The following FARP1 variants were observed in gnomAD, a reference collection of about 807,000 sequenced individuals.
FARP1 encodes the protein FERM, ARHGEF and pleckstrin domain-containing protein 1.
Under a neutral mutation model 128.8 loss-of-function variants are expected in FARP1, and 52 were observed. The observed-to-expected ratio is 0.40, with a 90% CI of 0.32 to 0.51. FARP1 has a LOEUF of 0.51. FARP1 is among the 20% of genes least tolerant of loss of function. The pLI, the probability that FARP1 is intolerant of heterozygous loss-of-function variation, is 0.45. For synonymous variants in FARP1, 580 were observed against 551.8 expected, an observed-to-expected ratio of 1.05 and a Z score of -0.72; for missense variants, 1,333 against 1,367.9, an observed-to-expected ratio of 0.97 and a Z score of 0.40.
At chr13:98,298,083 G>A (rs564345656) in intron 2 of FARP1, among the ~76,000 whole-genome samples, 7 of 152,312 alleles carry the variant, frequency 4.6e-5, no homozygotes, top group Admixed American at 2.6e-4. Context: ...GTCAGGCTGT[G>A]TAGGACTGTG....
chr13:98,266,287 G>C (rs1448324902), intron 2 of FARP1, among the ~76,000 whole-genome samples: 8 of 152,150 alleles, frequency 5.3e-5, no homozygotes, highest in Non-Finnish European at 1.5e-5. Context: ...GCGAGACAGA[G>C]GGACACACAT....
intron 16 of FARP1, among the ~76,000 whole-genome samples, chr13:98,422,587 A>G (rs1891633453): frequency 6.6e-6 from 1 of 152,112 alleles, no homozygotes; most frequent in Non-Finnish European, 1.5e-5. Flanking sequence ...CTGTGATGTA[A>G]TTTGCACTAT....
At chr13:98,248,178 A>T (rs1353805332) in intron 2 of FARP1, among the ~76,000 whole-genome samples, 1 of 152,192 alleles carries the variant, frequency 6.6e-6, no homozygotes, top group African/African-American at 2.4e-5. Context: ...ACCTCTGTCT[A>T]ATATCTGGCA....
intron 2 of FARP1, among the ~76,000 whole-genome samples, chr13:98,318,726 C>A (rs907824347): frequency 7.2e-5 from 11 of 152,208 alleles, no homozygotes; most frequent in Non-Finnish European, 2.9e-5. Flanking sequence ...AGTCTGCCTT[C>A]TCTTTGATGT....
At chr13:98,361,999 C>T (rs753859475) in intron 3 of FARP1, among the ~76,000 whole-genome samples, 2 of 152,174 alleles carry the variant, frequency 1.3e-5, no homozygotes, top group Non-Finnish European at 2.9e-5. Context: ...CAAAGTGGCT[C>T]ATGCCTATAA....
chr13:98,143,987 G>T (rs1875299168), intron 1 of FARP1, among the ~76,000 whole-genome samples: 3 of 152,138 alleles, frequency 2.0e-5, no homozygotes, highest in Non-Finnish European at 4.4e-5. Context: ...GGTTCCCGGC[G>T]GGTGACAAAG....
At chr13:98,196,801 T>G (rs1381891869) in intron 1 of FARP1, among the ~76,000 whole-genome samples, 1 of 152,260 alleles carries the variant, frequency 6.6e-6, no homozygotes, top group African/African-American at 2.4e-5. Flanking sequence ...CATTGTTTAA[T>G]TAAATGCCTT....
intron 2 of FARP1, among the ~76,000 whole-genome samples, chr13:98,310,855 C>G (rs118027216): frequency 6.6e-6 from 1 of 152,110 alleles, no homozygotes; most frequent in Non-Finnish European, 1.5e-5. Context: ...TCCTCCTGCC[C>G]CCTTGCAGAG....
chr13:98,232,284 AAGG>A, intron 2 of FARP1, among the ~76,000 whole-genome samples: 1 of 151,188 alleles, frequency 6.6e-6, no homozygotes, highest in African/African-American at 2.4e-5. Flanking sequence ...TTTTGTTTTG[AAGG>A]AGAACTGCTG....
At chr13:98,307,899 A>C (rs1228408840) in intron 2 of FARP1, among the ~76,000 whole-genome samples, 4 of 152,176 alleles carry the variant, frequency 2.6e-5, no homozygotes, top group Non-Finnish European at 4.4e-5. Flanking sequence ...TAAAGTTCTT[A>C]GTACTTAGCA....
chr13:98,161,215 ATTTT>A (rs1237544014), intron 1 of FARP1, among the ~76,000 whole-genome samples: 1 of 136,918 alleles, frequency 7.3e-6, no homozygotes, highest in South Asian at 2.3e-4. Context: ...TGCTTCAGTA[ATTTT>A]TTTTTTTTTT....
At chr13:98,268,467 C>T (rs1021128653) in intron 2 of FARP1, among the ~76,000 whole-genome samples, 2 of 152,110 alleles carry the variant, frequency 1.3e-5, no homozygotes, top group African/African-American at 4.8e-5. Flanking sequence ...TTCTGTTTCT[C>T]CCTTCTCTTT....
intron 1 of FARP1, among the ~76,000 whole-genome samples, chr13:98,179,995 T>A (rs1035675973): frequency 6.6e-6 from 1 of 152,014 alleles, no homozygotes; most frequent in Admixed American, 6.6e-5. Context: ...AGAAGAGATA[T>A]CTCCTGCTTC....
chr13:98,406,793 C>G (rs1438235842), intron 13 of FARP1: 2 of 152,360 alleles, frequency 1.3e-5, no homozygotes, highest in Admixed American at 6.5e-5. Context: ...GAGGCAGGCT[C>G]TCTTATGGAA....
At chr13:98,248,910 C>T (rs1883197191) in intron 2 of FARP1, among the ~76,000 whole-genome samples, 1 of 151,918 alleles carries the variant, frequency 6.6e-6, no homozygotes, top group Admixed American at 6.6e-5. Context: ...TGAGAATGTG[C>T]CTTACAGAGA....
chr13:98,436,519 G>A (rs1322086365), intron 19 of FARP1, among the ~76,000 whole-genome samples: 1 of 152,210 alleles, frequency 6.6e-6, no homozygotes, highest in Admixed American at 6.5e-5. Context: ...ATCTGCTGCT[G>A]CAGGATCCAG....
chr13:98,374,921 C>G (rs1183717096), intron 5 of FARP1, among the ~76,000 whole-genome samples: 1 of 152,124 alleles, frequency 6.6e-6, no homozygotes, highest in Non-Finnish European at 1.5e-5. Context: ...TAACAACCAG[C>G]TCTCACAGGA....
At chr13:98,209,389 G>C (rs1009163685) in intron 1 of FARP1, among the ~76,000 whole-genome samples, 3 of 151,850 alleles carry the variant, frequency 2.0e-5, no homozygotes, top group African/African-American at 7.3e-5. Flanking sequence ...TGAGCCACGT[G>C]TGGAGACCTG....
intron 1 of FARP1, among the ~76,000 whole-genome samples, chr13:98,175,438 A>G (rs1209347807): frequency 1.3e-5 from 2 of 151,980 alleles, no homozygotes; most frequent in African/African-American, 4.8e-5. Flanking sequence ...CTGTTTTGGT[A>G]ACTCTTGAAC....
Sources: gnomAD v4.1 joint callset for allele counts (sites outside exome capture counted in the v4.1 genomes callset) on GRCh38, gnomAD v4.1.1 for gene constraint, MANE v1.5 for transcripts, NCBI Gene and HGNC (gene_info 2026-07-23, HGNC 2026-07-21) for gene names.